ZNF280C: variants seen among roughly 807,000 people sequenced by gnomAD.
The protein encoded by ZNF280C is suppressor of hairy wing homolog 3.
ZNF280C carries 14 observed loss-of-function variants against 53.6 expected under a neutral mutation model. That is an observed-to-expected ratio of 0.26 (90% CI 0.17 to 0.41). The LOEUF (loss-of-function observed/expected upper bound fraction) is 0.41. ZNF280C is among the 10% of genes least tolerant of loss of function. The pLI is 1.00. For missense variants in ZNF280C, 416 were observed against 547.1 expected, an observed-to-expected ratio of 0.76 and a Z score of 2.39; for synonymous variants, 203 against 181.1, an observed-to-expected ratio of 1.12 and a Z score of -0.97.
In ZNF280C at chrX:130,264,906, C is replaced by T. The variant is rs752983319; in HGVS notation, c.-17+3856G>A. On this transcript the variant is annotated intron_variant, in intron 1 of 18. Coordinates refer to ENST00000370978, the MANE Select transcript of ZNF280C (RefSeq NM_017666.5). ...TCTTATAACAAGAATTGGTATAGTA[C>T]GCAAATCCAAGAAAACTGGATTATA... Among the ~76,000 whole-genome samples the T allele has an allele frequency of 2.2e-4, 25 of 111,468 alleles. No individual in the cohort carries two copies. In the Middle Eastern group the frequency reaches 0.014, roughly 63 times the overall value.
intron 2 of ZNF280C, among the ~76,000 whole-genome samples, chrX:130,251,376 G>A (rs1056707587): frequency 6.8e-5 from 7 of 102,876 alleles, no homozygotes; most frequent in Non-Finnish European, 1.2e-4. Flanking sequence ...CCACCAAAAC[G>A]AGACTTAAGA....
chrX:130,226,676 T>C (rs780292762), intron 12 of ZNF280C, 83 bp downstream of exon 12: 11 of 966,705 alleles, frequency 1.1e-5, no homozygotes, highest in Non-Finnish European at 1.5e-5. Context: ...TAGATAGATA[T>C]AGATGTAGCT....
chrX:130,205,282 A>ATT lies in ZNF280C; in HGVS notation c.2161+13_2161+14dup. The ATT allele has an allele frequency of 8.6e-7, 1 of 1,161,008 alleles. No individual in the cohort carries two copies. On this transcript the variant is annotated intron_variant, in intron 17 of 18. Transcript: ENST00000370978. ...AATATCAGAAAATCAAAGAAACACAATTATATATACGTACCATTCTCTATT... is the reference window on the plus strand; with the variant it reads ...AATATCAGAAAATCAAAGAAACACAATTTTATATATACGTACCATTCTCTATT...
At chrX:130,251,282 CAAAAAAAAAAAAAAAAAAA>C (rs61571389) in intron 2 of ZNF280C, among the ~76,000 whole-genome samples, 3 of 15,357 alleles carry the variant, frequency 2.0e-4, no homozygotes, top group African/African-American at 1.2e-3. Context: ...GGACCTGTCT[CAAAAAAAAAAAAAAAAAAA>C]AAAAAAGACC....
At chrX:130,205,668 C>A (rs1329680276) in intron 16 of ZNF280C, among the ~76,000 whole-genome samples, 1 of 109,957 alleles carries the variant, frequency 9.1e-6, no homozygotes, top group African/African-American at 3.3e-5. Flanking sequence ...CACCTGGGGT[C>A]AGGAGTTCGA....
chrX:130,243,634 C>G lies in ZNF280C; in HGVS notation c.310G>C (p.Ala104Pro), dbSNP rs768789027. The G allele has an allele frequency of 1.4e-5, 17 of 1,210,836 alleles. No individual in the cohort carries two copies. Among genetic ancestry groups the G allele is most frequent in the Non-Finnish European group, 1.1e-6 (1 of 894,576 alleles). The part of the protein sequence containing the change: ...CRDPPSNPVA[A>P]SPRFHLVSKS... ...GATACAAGATGAAATCTAGGCGAGG[C>G]AGCCACTGGATTTGATGGTGGGTCT... Residue 104 changes from alanine (A) to proline (P), a missense_variant, in exon 5 of 19, where the codon GCC becomes CCC. Coordinates refer to ENST00000370978, the MANE Select transcript of ZNF280C (RefSeq NM_017666.5).
intron 1 of ZNF280C, among the ~76,000 whole-genome samples, chrX:130,267,361 T>C (rs1008909326): frequency 2.7e-5 from 3 of 111,777 alleles, no homozygotes; most frequent in Non-Finnish European, 5.6e-5. Flanking sequence ...GTGAGCCTCC[T>C]TGCTTATTCT....
At chrX:130,229,754 G>C (rs1185982629) in intron 9 of ZNF280C, among the ~76,000 whole-genome samples, 1 of 112,086 alleles carries the variant, frequency 8.9e-6, no homozygotes, top group Non-Finnish European at 1.9e-5. Context: ...CTATTTTTCA[G>C]TTTTACCTTC....
intron 1 of ZNF280C, among the ~76,000 whole-genome samples, chrX:130,264,625 G>A (rs2032669294): frequency 9.1e-6 from 1 of 110,435 alleles, no homozygotes; most frequent in South Asian, 3.8e-4. Flanking sequence ...GTACTGAAAG[G>A]GTTCAAATAA....
chrX:130,204,951 T>C lies in ZNF280C; in HGVS notation c.*26A>G, dbSNP rs376094415. On this transcript the variant is annotated 3_prime_UTR_variant, in exon 19 of 19. Coordinates refer to ENST00000370978, the MANE Select transcript of ZNF280C (RefSeq NM_017666.5). ...AACTTCCAACTTGTCTTGCACCAGG[T>C]TGCATGAACTCCATGGAGCAGGAAT... The C allele has an allele frequency of 4.2e-5, 45 of 1,074,439 alleles. No individual in the cohort carries two copies. The East Asian group carries it at 4.8e-4, about 12-fold the overall frequency. 88.5% of individuals were successfully genotyped at this position (1,074,439 alleles called of 1,213,427 possible). A position where few individuals can be genotyped will look rare whatever the true frequency, so the allele number is the denominator to read the frequency against.
rs746717438 is a variant in ZNF280C, at chrX:130,227,050, A to C, written c.1249-145T>G. On this transcript the variant is annotated intron_variant, in intron 11 of 18. Coordinates refer to ENST00000370978, the MANE Select transcript of ZNF280C (RefSeq NM_017666.5). ...TGCCTATACAACCAAGAATCATATT[A>C]CTGCAAGTAATAAAGATAACCTTTG... 15 of 461,799 alleles carry C rather than the reference A, an allele frequency of 3.2e-5. No individual in the cohort carries two copies. The South Asian group carries it at 6.6e-4, about 20-fold the overall frequency. 38.1% of individuals were successfully genotyped at this position (461,799 alleles called of 1,213,427 possible).
At position 130,236,561 on chromosome X, in the gene ZNF280C, G is replaced by A. The variant is rs759596381; in HGVS notation, c.572C>T (p.Thr191Ile). The change falls in exon 7 of 19, where the codon ACC (threonine) becomes ATC (isoleucine). Residue 191 changes from threonine to isoleucine, a missense_variant. Transcript: ENST00000370978. Reference protein sequence around the residue: ...VNSVTPKKPKTSEDVPQINPS... With the variant: ...VNSVTPKKPKISEDVPQINPS... ...ATTTATCTGAGGAACATCTTCACTG[G>A]TCTTTGGTTTTTTTGGAGTAACACT... is the stretch of plus-strand genomic sequence containing the variant. 1 of 1,205,999 alleles carries A rather than the reference G, an allele frequency of 8.3e-7. No individual in the cohort carries two copies. Among genetic ancestry groups the A allele is most frequent in the Non-Finnish European group, 1.1e-6 (1 of 891,309 alleles).
chrX:130,215,400 T>G, intron 14 of ZNF280C, 67 bp from the exon 15 acceptor site: 1 of 1,003,110 alleles, frequency 1.0e-6, no homozygotes, highest in East Asian at 3.3e-5. Context: ...AAAATCTTAT[T>G]AACATTTTAT....
chrX:130,216,744 C>T (rs1226871876), intron 13 of ZNF280C, among the ~76,000 whole-genome samples: 1 of 111,725 alleles, frequency 9.0e-6, no homozygotes, highest in African/African-American at 3.3e-5. Flanking sequence ...TAGGCCTGTA[C>T]TCCCTGAACT....
At chrX:130,248,428 G>A (rs933403143) in intron 2 of ZNF280C, among the ~76,000 whole-genome samples, 7 of 110,688 alleles carry the variant, frequency 6.3e-5, no homozygotes, top group African/African-American at 2.3e-4. Flanking sequence ...TTGGCAGGGA[G>A]AGCTGCTTAG....
At chrX:130,236,436 T>A (rs1233085016) in intron 7 of ZNF280C, 33 bp downstream of exon 7, 2 of 1,146,234 alleles carry the variant, frequency 1.7e-6, no homozygotes, top group African/African-American at 3.7e-5. Flanking sequence ...AAAATAATAC[T>A]ATTTTTTTTT....
rs2032456494 is a variant in ZNF280C, at chrX:130,246,915, T to C, written c.122A>G (p.Asp41Gly). ...TCCAACAAAGATCAGTTCATCGTCATCCTCATCCTGAGTTTCTTCTACTTT... is the reference window on the plus strand; with the variant it reads ...TCCAACAAAGATCAGTTCATCGTCACCCTCATCCTGAGTTTCTTCTACTTT... The part of the protein sequence containing the change: ...QKKVEETQDE[D>G]DDELIFVGEI... The change falls in exon 3 of 19, where the codon GAT becomes GGT. Residue 41 changes from aspartate to glycine, a missense_variant. Transcript: ENST00000370978. 1 of 1,210,292 alleles carries C rather than the reference T, an allele frequency of 8.3e-7. No individual in the cohort carries two copies. The highest frequency in any genetic ancestry group is 1.1e-6 in the Non-Finnish European group (1 of 895,053).
chrX:130,231,691 A>C (rs184646024), intron 8 of ZNF280C, among the ~76,000 whole-genome samples: 607 of 110,570 alleles, frequency 5.5e-3, no homozygotes, highest in African/African-American at 0.02. Flanking sequence ...ACCCTTGTTA[A>C]CAAACTTGCA....
intron 11 of ZNF280C, 121 bp from the exon 12 acceptor site, chrX:130,227,026 G>T: frequency 1.8e-6 from 1 of 567,213 alleles, no homozygotes; most frequent in Non-Finnish European, 2.8e-6. Context: ...CAGCTCTGCT[G>T]CCTATACAAC....
Sources: gnomAD v4.1 joint callset for allele counts (sites outside exome capture counted in the v4.1 genomes callset) on GRCh38, gnomAD v4.1.1 for gene constraint, MANE v1.5 for transcripts, NCBI Gene and HGNC (gene_info 2026-07-23, HGNC 2026-07-21) for gene names.